The following UROS variants were observed in gnomAD, a reference collection of about 807,000 sequenced individuals.
UROS encodes uroporphyrinogen-III synthase.
Under a neutral mutation model 33.0 loss-of-function variants are expected in UROS, and 18 were observed. The ratio of observed to expected loss-of-function variants is 0.55; its 90% CI spans 0.38 to 0.81. The LOEUF (loss-of-function observed/expected upper bound fraction) is 0.81. UROS is among the 30% of genes least tolerant of loss of function. The pLI is 0.00. For missense variants in UROS, 293 were observed against 314.9 expected (o/e 0.93, Z 0.53); for synonymous variants, 114 against 121.1 (o/e 0.94, Z 0.38).
chr10:125,812,088 A>G, intron 5 of UROS, 126 bp downstream of exon 5: 1 of 802,686 alleles, frequency 1.2e-6, no homozygotes, highest in Non-Finnish European at 2.1e-6. Flanking sequence ...GTAGTATCGT[A>G]TACTTAATTA....
rs1852548064 is a variant in UROS, at chr10:125,808,728, C to G, written c.320-1241G>C. ...AACCCTGTGAACAGAACAATTACTA[C>G]TGTACTTGAGAGGGAAGGAAGCTAT... On this transcript the variant is annotated intron_variant, in intron 5 of 9. Coordinates refer to ENST00000368797, the MANE Select transcript of UROS (RefSeq NM_000375.3). Among the ~76,000 whole-genome samples the G allele has an allele frequency of 2.0e-5, 3 of 152,356 alleles. No individual in the cohort carries two copies. In the South Asian group the frequency reaches 6.2e-4, roughly 32 times the overall value.
intron 4 of UROS, 151 bp from the exon 5 acceptor site, chr10:125,812,439 T>C (rs1453906100): frequency 2.8e-6 from 2 of 724,282 alleles, no homozygotes; most frequent in Admixed American, 2.7e-5. Flanking sequence ...TAAAATTCCA[T>C]TTTCACTTTG....
At chr10:125,802,219 TCC>T in intron 6 of UROS, 3 of 985,510 alleles carry the variant, frequency 3.0e-6, no homozygotes, top group Non-Finnish European at 3.6e-6. Flanking sequence ...GAGCGAACCC[TCC>T]ACACTGATGT....
At chr10:125,807,090 T>C (rs191556468) in intron 6 of UROS, 55 of 362,270 alleles carry the variant, frequency 1.5e-4, no homozygotes, top group Admixed American at 1.5e-3. Context: ...AAGGGGAGAG[T>C]ACCCACTCAC....
chr10:125,792,132 T>C (rs1271638017), intron 9 of UROS: 8 of 152,316 alleles, frequency 5.3e-5, no homozygotes, highest in African/African-American at 1.9e-4. Context: ...ATTTTATGGT[T>C]TGTGAATTAC....
rs117177228 is a variant in UROS at position 125,811,099 on chromosome 10, T to C, written c.319+1115A>G. ...ATGCTCATCATTCATTGTATCACCA[T>C]AGTCTTTTTTCTCATTTTCTTCTCA... is the stretch of plus-strand genomic sequence containing the variant. On this transcript the variant is annotated intron_variant, in intron 5 of 9. Coordinates refer to ENST00000368797, the MANE Select transcript of UROS (RefSeq NM_000375.3). 1.3e-3 allele frequency among the ~76,000 whole-genome samples: 204 copies of C among 152,232 alleles called. 4 individuals are homozygous for C. The South Asian group carries it at 0.027, about 20-fold the overall frequency.
intron 5 of UROS, among the ~76,000 whole-genome samples, chr10:125,809,366 G>C (rs2133910280): frequency 6.6e-6 from 1 of 152,264 alleles, no homozygotes; most frequent in African/African-American, 2.4e-5. Context: ...TGAGTTGCAA[G>C]GTATCAAACC....
At position 125,802,954 on chromosome 10, in the gene UROS, A is replaced by G. The variant is rs192558834; in HGVS notation, c.394+4459T>C. The G allele has an allele frequency of 1.5e-3, 2,463 of 1,612,796 alleles. 26 individuals are homozygous for G. The highest frequency in any genetic ancestry group is 1.5e-3 in the African/African-American group (109 of 75,060). ...CGGCTAAACCCCAGATATTACTCCA[A>G]TGATTCATCAGCATAAGGGCACGTC... On this transcript the variant is annotated intron_variant, in intron 6 of 9. Transcript: ENST00000368797.
chr10:125,803,069 CT>C, intron 6 of UROS: 1 of 1,612,632 alleles, frequency 6.2e-7, no homozygotes, highest in Non-Finnish European at 8.5e-7. Context: ...GACTAAGTAT[CT>C]TTTAGAAGCA....
chr10:125,787,211 G>T (rs541167162), downstream of UROS, among the ~76,000 whole-genome samples: 4 of 152,302 alleles, frequency 2.6e-5, no homozygotes, highest in South Asian at 8.3e-4. Context: ...CTTTGTCCCC[G>T]ATTCTGTCCC....
intron 1 of UROS, among the ~76,000 whole-genome samples, chr10:125,820,485 T>C (rs1315512525): frequency 6.6e-6 from 1 of 152,224 alleles, no homozygotes; most frequent in African/African-American, 2.4e-5. Context: ...GCAATCCACT[T>C]TACTCAGTCT....
In UROS at chr10:125,789,022, G is replaced by C. The variant is rs756837701; in HGVS notation, c.661-17C>G. On this transcript the variant is annotated splice_polypyrimidine_tract_variant and intron_variant, in intron 9 of 9. Coordinates refer to ENST00000368797, the MANE Select transcript of UROS (RefSeq NM_000375.3). ...GGCTGCAAACTATAAAGACAGAAGA[G>C]AAAACAGGGCTTCAGCACACCAGGA... The C allele has an allele frequency of 6.8e-6, 11 of 1,612,644 alleles. No homozygotes were observed. The highest frequency in any genetic ancestry group is 1.7e-4 in the Middle Eastern group (1 of 6,052).
downstream of UROS, among the ~76,000 whole-genome samples, chr10:125,787,069 C>T (rs184045017): frequency 1.3e-5 from 2 of 152,366 alleles, no homozygotes; most frequent in East Asian, 1.9e-4. Flanking sequence ...CACGCCCTGG[C>T]GCACTCCATC....
intron 9 of UROS, 56 bp from the exon 10 acceptor site, chr10:125,789,061 C>CTGG: frequency 6.2e-7 from 1 of 1,603,262 alleles, no homozygotes. Context: ...GCTGGGGCAG[C>CTGG]AGGCAGCTGG....
At chr10:125,786,035 G>A (rs947483208), downstream of UROS, among the ~76,000 whole-genome samples, 2 of 152,134 alleles carry the variant, frequency 1.3e-5, no homozygotes, top group African/African-American at 4.8e-5. Context: ...CTGGCAGGGT[G>A]GGGGGTGCGA....
At chr10:125,809,395 C>G (rs967521257) in intron 5 of UROS, among the ~76,000 whole-genome samples, 1 of 152,148 alleles carries the variant, frequency 6.6e-6, no homozygotes, top group East Asian at 1.9e-4. Context: ...ACCATCTTTG[C>G]TTTTTCAATA....
At chr10:125,820,103 T>C (rs1366625819) in intron 1 of UROS, among the ~76,000 whole-genome samples, 1 of 152,200 alleles carries the variant, frequency 6.6e-6, no homozygotes, top group Admixed American at 6.5e-5. Context: ...TACTGAGCAT[T>C]TACTCATGTT....
intron 6 of UROS, chr10:125,802,453 G>A (rs1178701917): frequency 3.0e-6 from 3 of 986,696 alleles, no homozygotes; most frequent in South Asian, 9.4e-5. Context: ...AAAGCAACAC[G>A]TTGGCCATCA....
intron 1 of UROS, among the ~76,000 whole-genome samples, chr10:125,819,250 G>GAGATT (rs1220782715): frequency 2.6e-5 from 4 of 152,278 alleles, no homozygotes; most frequent in Non-Finnish European, 1.5e-5. Flanking sequence ...CCAAAGTGTT[G>GAGATT]AGATTACAGG....
Sources: allele counts gnomAD v4.1 joint callset (sites outside exome capture counted in the v4.1 genomes callset), GRCh38; gene constraint gnomAD v4.1.1; transcripts MANE v1.5; gene names NCBI Gene and HGNC (gene_info 2026-07-23, HGNC 2026-07-21).